Variants in SLC15A5 observed in about 807,000 individuals in gnomAD.
SLC15A5 encodes solute carrier family 15 member 5, also known as Peptide/histidine transporter ENSP00000340402.
Under a neutral mutation model 56.1 loss-of-function variants are expected in SLC15A5, and 58 were observed. The ratio of observed to expected loss-of-function variants is 1.03; its 90% CI spans 0.84 to 1.29. SLC15A5 has a LOEUF of 1.29. Ranked by LOEUF, SLC15A5 falls within the 50% of genes most tolerant of loss-of-function variation. SLC15A5 has a pLI of 0.00. For synonymous variants in SLC15A5, 264 were observed against 250.5 expected (o/e 1.05, Z -0.51); for missense variants, 681 against 672.1 (o/e 1.01, Z -0.15).
At chr12:16,245,184 A>AT (rs1351129197) in intron 3 of SLC15A5, among the ~76,000 whole-genome samples, 3 of 152,142 alleles carry the variant, frequency 2.0e-5, no homozygotes, top group Non-Finnish European at 1.5e-5. Context: ...AACTAGTACT[A>AT]TTTTTTCATA....
intron 2 of SLC15A5, among the ~76,000 whole-genome samples, chr12:16,270,757 A>G (rs138236116): frequency 2.6e-5 from 4 of 152,272 alleles, no homozygotes; most frequent in African/African-American, 9.6e-5. Flanking sequence ...TGCCCAGTGG[A>G]GTCTCTGTCC....
At chr12:16,226,104 C>T (rs1407970934) in intron 5 of SLC15A5, among the ~76,000 whole-genome samples, 11 of 152,198 alleles carry the variant, frequency 7.2e-5, no homozygotes, top group Non-Finnish European at 1.5e-4. Context: ...CACCAAAATT[C>T]CTGCTGCTCA....
intron 5 of SLC15A5, among the ~76,000 whole-genome samples, chr12:16,232,391 A>G (rs1250993904): frequency 6.6e-6 from 1 of 152,184 alleles, no homozygotes; most frequent in Non-Finnish European, 1.5e-5. Flanking sequence ...AAGGTCCAAC[A>G]TCTGATCAAT....
At chr12:16,272,489 C>A in intron 2 of SLC15A5, 72 bp downstream of exon 2, 1 of 1,400,774 alleles carries the variant, frequency 7.1e-7, no homozygotes, top group South Asian at 1.3e-5. Context: ...CAACTACTAC[C>A]CAAATGGAAT....
At chr12:16,201,200 A>G (rs1236588622) in intron 7 of SLC15A5, among the ~76,000 whole-genome samples, 3 of 152,166 alleles carry the variant, frequency 2.0e-5, no homozygotes, top group African/African-American at 4.8e-5. Context: ...TAAGATCCCT[A>G]CCAAAATTCC....
Position 16,267,280 on chromosome 12 carries a change from G to A in SLC15A5, c.584+5281C>T, listed in dbSNP as rs573455912. Among the ~76,000 whole-genome samples the A allele has an allele frequency of 2.9e-3, 164 of 56,084 alleles. 44 individuals are homozygous for A. The highest frequency in any genetic ancestry group is 9.6e-3 in the Admixed American group (56 of 5,830). 36.8% of individuals were successfully genotyped at this position (56,084 alleles called of 152,430 possible). ...TCCAGGGGATTTGTGACTCTTCAGT[G>A]GGATAAAACTGAACTGTTTAGAGGA... On this transcript the variant is annotated intron_variant, in intron 2 of 8. Coordinates refer to ENST00000344941, the MANE Select transcript of SLC15A5 (RefSeq NM_001170798.1).
intron 7 of SLC15A5, among the ~76,000 whole-genome samples, chr12:16,210,325 A>G (rs1864067378): frequency 6.9e-6 from 1 of 145,738 alleles, no homozygotes; most frequent in African/African-American, 2.5e-5. Context: ...CCGTGAGGCC[A>G]AGAAGAATCT....
At position 16,271,326 on chromosome 12, in the gene SLC15A5, T is replaced by C. The variant is rs1864753165; in HGVS notation, c.584+1235A>G. Among the ~76,000 whole-genome samples, 1 of 152,208 alleles carries C rather than the reference T, an allele frequency of 6.6e-6. No individual in the cohort carries two copies. The highest frequency in any genetic ancestry group is 1.5e-5 in the Non-Finnish European group (1 of 68,038). On this transcript the variant is annotated intron_variant, in intron 2 of 8. Coordinates refer to ENST00000344941, the MANE Select transcript of SLC15A5 (RefSeq NM_001170798.1). This position sits in a 1 kb window ranked among gnomAD's most constrained non-coding sequence, Gnocchi z 8.0. Reference sequence around the variant, plus strand: ...TTCAGAACAACTGATTGCTCTCCAGTCTTAATCCTCCAGAGTCTTATTTAA... The same window carrying C: ...TTCAGAACAACTGATTGCTCTCCAGCCTTAATCCTCCAGAGTCTTATTTAA...
intron 7 of SLC15A5, among the ~76,000 whole-genome samples, chr12:16,211,777 CT>C (rs1338403376): frequency 1.3e-5 from 2 of 152,150 alleles, no homozygotes; most frequent in Non-Finnish European, 2.9e-5. Context: ...GTATCTTCTC[CT>C]TTAAAGCACT....
In SLC15A5 at chr12:16,271,740, A is replaced by T. The variant is rs1864759965; in HGVS notation, c.584+821T>A. On this transcript the variant is annotated intron_variant, in intron 2 of 8. Coordinates refer to ENST00000344941, the MANE Select transcript of SLC15A5 (RefSeq NM_001170798.1). The surrounding 1 kb of genome is among the most constrained non-coding windows in gnomAD (Gnocchi z 8.0). ...TAACAAAGAATAACAAAGAAGTTTT[A>T]TACTAAATTCTTAACTACCCTCCCT... 6.6e-6 allele frequency among the ~76,000 whole-genome samples: 1 copy of T among 152,190 alleles called. No individual in the cohort carries two copies. The highest frequency in any genetic ancestry group is 1.5e-5 in the Non-Finnish European group (1 of 68,034).
At chr12:16,255,956 G>C in intron 3 of SLC15A5, among the ~76,000 whole-genome samples, 1 of 152,108 alleles carries the variant, frequency 6.6e-6, no homozygotes, top group Admixed American at 6.6e-5. Context: ...ACAGCAAGAG[G>C]CTTATCTGAA....
At chr12:16,264,632 C>T (rs534162752) in intron 2 of SLC15A5, among the ~76,000 whole-genome samples, 1 of 152,232 alleles carries the variant, frequency 6.6e-6, no homozygotes, top group South Asian at 2.1e-4. Flanking sequence ...TCTTGTAGCT[C>T]CCATATTTTC....
At chr12:16,268,923 ATTTGGGAGGTG>A (rs1311952384) in intron 2 of SLC15A5, among the ~76,000 whole-genome samples, 502 of 47,818 alleles carry the variant, frequency 0.01, 4 homozygotes, top group African/African-American at 0.039. Flanking sequence ...GGAGTGGTGT[ATTTGGGAGGTG>A]GGGCTTTTGC....
chr12:16,272,638 T>TA lies in SLC15A5; in HGVS notation c.506dup (p.Arg170LysfsTer25), dbSNP rs1864772345. ...CACCCAGTGGACAGACGATGGCTCT[T>TA]ACGCCTCCAATGCCAAGGCAAATGG... On this transcript the variant is annotated frameshift_variant, in exon 2 of 9. Transcript: ENST00000344941. LOFTEE classifies it high-confidence loss of function. 5 of 1,537,044 alleles carry TA rather than the reference T, an allele frequency of 3.3e-6. 1 individual carries two copies. The Middle Eastern group carries it at 5.0e-4, about 154-fold the overall frequency.
intron 2 of SLC15A5, among the ~76,000 whole-genome samples, chr12:16,258,596 T>C (rs1864602226): frequency 6.6e-6 from 1 of 152,208 alleles, no homozygotes; most frequent in Non-Finnish European, 1.5e-5. Context: ...AATTTACTCA[T>C]TTACATATAT....
Position 16,271,952 on chromosome 12 carries a change from CAG to C in SLC15A5, c.584+607_584+608del, listed in dbSNP as rs1383025822. ...TGTTGGGAGCGAACTGGGTGAGAAA[CAG>C]AGATGCTGGGTGATGCTTTAACAAA... On this transcript the variant is annotated intron_variant, in intron 2 of 8. Coordinates refer to ENST00000344941, the MANE Select transcript of SLC15A5 (RefSeq NM_001170798.1). This position sits in a 1 kb window ranked among gnomAD's most constrained non-coding sequence, Gnocchi z 8.0. Among the ~76,000 whole-genome samples the C allele has an allele frequency of 1.3e-5, 2 of 152,160 alleles. No homozygotes were observed. The highest frequency in any genetic ancestry group is 4.8e-5 in the African/African-American group (2 of 41,442).
Position 16,265,527 on chromosome 12 carries a change from G to A in SLC15A5, c.584+7034C>T, listed in dbSNP as rs144114387. Among the ~76,000 whole-genome samples the A allele has an allele frequency of 7.7e-4, 117 of 152,248 alleles. 1 individual carries two copies. Among genetic ancestry groups the A allele is most frequent in the African/African-American group, 2.8e-3 (115 of 41,536 alleles). ...ATTATCTCACTCTGTTGACTAGGCT[G>A]GAGTACAGTAGCATGACCTTGACTC... is the stretch of plus-strand genomic sequence containing the variant. On this transcript the variant is annotated intron_variant, in intron 2 of 8. Transcript: ENST00000344941.
In SLC15A5 at chr12:16,244,807, G is replaced by A. The variant is rs1211200585; in HGVS notation, c.755-7C>T. 6.5e-7 allele frequency: 1 copy of A among 1,535,808 alleles called. No individual in the cohort carries two copies. The highest frequency in any genetic ancestry group is 2.4e-5 in the East Asian group (1 of 40,906). ...CCTGTCAGGAGAGAACAACCTGCAAGTAATCGGAGATATTATGTATTAGTA... is the reference window on the plus strand; with the variant it reads ...CCTGTCAGGAGAGAACAACCTGCAAATAATCGGAGATATTATGTATTAGTA... On this transcript the variant is annotated splice_polypyrimidine_tract_variant and splice_region_variant and intron_variant, in intron 3 of 8. Coordinates refer to ENST00000344941, the MANE Select transcript of SLC15A5 (RefSeq NM_001170798.1).
At chr12:16,250,076 A>G (rs566794044) in intron 3 of SLC15A5, among the ~76,000 whole-genome samples, 2 of 152,152 alleles carry the variant, frequency 1.3e-5, no homozygotes, top group South Asian at 2.1e-4. Context: ...TATGTGGTGT[A>G]ATAGAATGAG....
Sources: gnomAD v4.1 joint callset for allele counts (sites outside exome capture counted in the v4.1 genomes callset) on GRCh38, gnomAD v4.1.1 for gene constraint, Gnocchi (gnomAD v3.1) non-coding constraint, MANE v1.5 for transcripts, NCBI Gene and HGNC (gene_info 2026-07-23, HGNC 2026-07-21) for gene names.